CD180: variants seen among roughly 807,000 people sequenced by gnomAD.
The protein encoded by CD180 is CD180 antigen.
CD180 carries 11 observed loss-of-function variants against 10.7 expected under a neutral mutation model. The observed-to-expected ratio is 1.03, with a 90% CI of 0.65 to 1.70. The LOEUF (loss-of-function observed/expected upper bound fraction) is 1.70. CD180 is among the 40% of genes most tolerant of loss of function. CD180 has a pLI of 0.00. For missense variants in CD180, 729 were observed against 775.2 expected, an observed-to-expected ratio of 0.94 and a Z score of 0.71; for synonymous variants, 286 against 294.6, an observed-to-expected ratio of 0.97 and a Z score of 0.30.
In CD180 at chr5:67,184,448, A is replaced by C; in HGVS notation, c.395T>G (p.Leu132Ter). ...GAGATTGGATATTCCCGTTTGGATT[A>C]AGAAAAGATGCTTCAGTGACTTGGG... ...NGPKSLKHLF[L>*]IQTGISNLEF... The change falls in exon 3 of 3, where the codon TTA (leucine) becomes TGA (stop). Residue 132 changes from leucine to a stop codon, truncating the protein, a stop_gained. Transcript: ENST00000256447. LOFTEE classifies it low-confidence loss of function (END_TRUNC). The C allele has an allele frequency of 6.2e-7, 1 of 1,614,222 alleles. No homozygotes were observed. The highest frequency in any genetic ancestry group is 8.5e-7 in the Non-Finnish European group (1 of 1,180,018).
rs142013803 is a variant in CD180, at chr5:67,184,326, G to A, written c.517C>T (p.Arg173Trp). ...TGAAAATCCAGTACTTTCAGATTCC[G>A]TGCTGGGAAGTCTTTGGGGAACTTA... ...SIKFPKDFPA[R>W]NLKVLDFQNN... Residue 173 changes from arginine to tryptophan, a missense_variant, in exon 3 of 3, where the codon CGG (arginine) becomes TGG (tryptophan). Physicochemically the swap from Arg to Trp is moderately radical, Grantham distance 101. Transcript: ENST00000256447. The A allele has an allele frequency of 1.4e-4, 233 of 1,614,022 alleles. 2 individuals are homozygous for A. The highest frequency in any genetic ancestry group is 9.4e-4 in the East Asian group (42 of 44,898).
chr5:67,194,305 G>A (rs1222296359), intron 1 of CD180, among the ~76,000 whole-genome samples: 1 of 152,182 alleles, frequency 6.6e-6, no homozygotes, highest in Non-Finnish European at 1.5e-5. Context: ...CTGTTCAGGA[G>A]TCATGTGGCC....
rs1189592447 is a variant in CD180, at chr5:67,185,285, T to A, written c.257+566A>T. On this transcript the variant is annotated intron_variant, in intron 2 of 2. Transcript: ENST00000256447. Reference sequence around the variant, plus strand: ...GCAGGTACACGCAGAGCCTGTCCCCTCTTACACACACACACACACACACAC... The same window carrying A: ...GCAGGTACACGCAGAGCCTGTCCCCACTTACACACACACACACACACACAC... Among the ~76,000 whole-genome samples the A allele has an allele frequency of 6.2e-3, 533 of 86,318 alleles. 5 individuals are homozygous for A. Among genetic ancestry groups the A allele is most frequent in the African/African-American group, 0.034 (426 of 12,688 alleles). 56.6% of individuals were successfully genotyped at this position (86,318 alleles called of 152,430 possible).
chr5:67,196,587 T>C lies in CD180; in HGVS notation c.55A>G (p.Lys19Glu), dbSNP rs1742408667. ...FWVVLFSAGC[K>E]VITSWDQMCI... ...ATCTGATCCCAGGAGGTGATGACTT[T>C]ACAGCCGGCAGAAAACAGCACCACC... is the stretch of plus-strand genomic sequence containing the variant. The change falls in exon 1 of 3, where the codon AAA (lysine) becomes GAA (glutamate). Residue 19 changes from lysine to glutamate, a missense_variant. Physicochemically the swap from Lys to Glu is moderately conservative, Grantham distance 56 (BLOSUM62 1). Transcript: ENST00000256447. 6.2e-7 allele frequency: 1 copy of C among 1,614,072 alleles called. No individual in the cohort carries two copies. The highest frequency in any genetic ancestry group is 8.5e-7 in the Non-Finnish European group (1 of 1,179,984).
In CD180 at chr5:67,196,775, A is replaced by G. The variant is rs1008558680; in HGVS notation, c.-134T>C. ...GATCTTGGAACAAGAAATGCTGTTG[A>G]CTGCTCAGCATTCTGTGGCTCTGTG... On this transcript the variant is annotated 5_prime_UTR_variant, in exon 1 of 3. Transcript: ENST00000256447. 1 of 876,468 alleles carries G rather than the reference A, an allele frequency of 1.1e-6. No individual in the cohort carries two copies. The highest frequency in any genetic ancestry group is 1.7e-5 in the South Asian group (1 of 59,402). The allele number at this position is 876,468 out of a possible 1,614,324, so 54.3% of individuals were successfully genotyped here.
rs754111792 is a variant in CD180 at position 67,183,731 on chromosome 5, T to C, written c.1112A>G (p.Asn371Ser). The change falls in exon 3 of 3, where the codon AAC becomes AGC. Residue 371 changes from asparagine (N) to serine (S), a missense_variant. Coordinates refer to ENST00000256447, the MANE Select transcript of CD180 (RefSeq NM_005582.3). ...LGVGCLEKLG[N>S]LQTLDLSHND... ...ATGGCTTAAATCAAGTGTCTGAAGG[T>C]TTCCTAGTTTCTCCAAGCAGCCAAC... 9.3e-6 allele frequency: 15 copies of C among 1,613,992 alleles called. No homozygotes were observed. The South Asian group carries it at 1.6e-4, about 18-fold the overall frequency.
chr5:67,183,111 G>T lies in CD180; in HGVS notation c.1732C>A (p.Pro578Thr). The change falls in exon 3 of 3, where the codon CCC becomes ACC. Residue 578 changes from proline (P) to threonine (T), a missense_variant. Pro to Thr is a conservative substitution (Grantham distance 38). Coordinates refer to ENST00000256447, the MANE Select transcript of CD180 (RefSeq NM_005582.3). ...QQSTINLSHN[P>T]LDCTCSNIHF... ...ATATTCGAGCAAGTGCAGTCCAGGG[G>T]GTTATGACTTAAATTAATGGTGCTC... 1.2e-6 allele frequency: 2 copies of T among 1,610,780 alleles called. No individual in the cohort carries two copies. Among genetic ancestry groups the T allele is most frequent in the Non-Finnish European group, 1.7e-6 (2 of 1,177,782 alleles).
At chr5:67,196,479 G>T in intron 1 of CD180, 73 bp downstream of exon 1, 2 of 1,435,848 alleles carry the variant, frequency 1.4e-6, no homozygotes, top group South Asian at 1.2e-5. Flanking sequence ...CCAAGGCTCA[G>T]ATTGGACTGC....
intron 1 of CD180, 84 bp from the exon 2 acceptor site, chr5:67,186,101 G>T: frequency 1.2e-6 from 1 of 868,242 alleles, no homozygotes; most frequent in Non-Finnish European, 1.7e-6. Flanking sequence ...TTTACCTTCC[G>T]AGCGGCAATC....
At chr5:67,187,572 T>C (rs559601670) in intron 1 of CD180, among the ~76,000 whole-genome samples, 2 of 152,198 alleles carry the variant, frequency 1.3e-5, no homozygotes, top group South Asian at 2.1e-4. Context: ...AAATGGGAAG[T>C]GGTTTTTTAG....
Position 67,183,121 on chromosome 5 carries a change from TAAATTA to T in CD180, c.1716_1721del (p.Asn573_Leu574del). On this transcript the variant is annotated inframe_deletion, in exon 3 of 3. Coordinates refer to ENST00000256447, the MANE Select transcript of CD180 (RefSeq NM_005582.3). ...AAGTGCAGTCCAGGGGGTTATGACT[TAAATTA>T]ATGGTGCTCTGCTGGGACAAGATAG... The T allele has an allele frequency of 1.2e-6, 2 of 1,610,154 alleles. No individual in the cohort carries two copies. Among genetic ancestry groups the T allele is most frequent in the Non-Finnish European group, 1.7e-6 (2 of 1,177,364 alleles).
intron 1 of CD180, among the ~76,000 whole-genome samples, chr5:67,195,839 C>G (rs1320181831): frequency 6.6e-6 from 1 of 152,174 alleles, no homozygotes; most frequent in African/African-American, 2.4e-5. Context: ...GTATGCAGCC[C>G]TTGTCTGACA....
At position 67,184,395 on chromosome 5, in the gene CD180, T is replaced by A. The variant is rs1320248179; in HGVS notation, c.448A>T (p.Asn150Tyr). 6.2e-7 allele frequency: 1 copy of A among 1,613,724 alleles called. No homozygotes were observed. The highest frequency in any genetic ancestry group is 8.5e-7 in the Non-Finnish European group (1 of 1,179,604). Reference protein sequence around the residue: ...LEFIPVHNLENLESLYLGSNH... With the variant: ...LEFIPVHNLEYLESLYLGSNH... Reference sequence around the variant, plus strand: ...CTTCCAAGATACAAGCTTTCCAAGTTTTCCAGATTGTGCACTGGAATAAAC... The same window carrying A: ...CTTCCAAGATACAAGCTTTCCAAGTATTCCAGATTGTGCACTGGAATAAAC... Residue 150 changes from asparagine to tyrosine, a missense_variant, in exon 3 of 3, where the codon AAC becomes TAC. By Grantham distance (143) the Asn-to-Tyr change is moderately radical (BLOSUM62 -2). Coordinates refer to ENST00000256447, the MANE Select transcript of CD180 (RefSeq NM_005582.3).
At chr5:67,196,191 A>G (rs1026359537) in intron 1 of CD180, among the ~76,000 whole-genome samples, 1 of 152,166 alleles carries the variant, frequency 6.6e-6, no homozygotes, top group Non-Finnish European at 1.5e-5. Flanking sequence ...ACTCATTGGG[A>G]TAGAGGCCAT....
At position 67,183,779 on chromosome 5, in the gene CD180, T is replaced by A; in HGVS notation, c.1064A>T (p.Asn355Ile). 2.5e-6 allele frequency: 4 copies of A among 1,614,194 alleles called. No individual in the cohort carries two copies. Among genetic ancestry groups the A allele is most frequent in the Non-Finnish European group, 3.4e-6 (4 of 1,180,010 alleles). Residue 355 changes from asparagine to isoleucine, a missense_variant, in exon 3 of 3, where the codon AAC becomes ATC. Transcript: ENST00000256447. ...PSLTHLYIRGNVKKLHLGVGC... is the reference protein window; with the variant it reads ...PSLTHLYIRGIVKKLHLGVGC... ...AACACCAAGGTGAAGTTTCTTCACG[T>A]TGCCTCTGATGTAGAGGTGTGTAAG...
At chr5:67,192,265 C>T (rs976636801) in intron 1 of CD180, among the ~76,000 whole-genome samples, 51 of 151,948 alleles carry the variant, frequency 3.4e-4, no homozygotes, top group Non-Finnish European at 5.7e-4. Context: ...TGGTGGGCGC[C>T]TGTAGTCCCA....
intron 1 of CD180, among the ~76,000 whole-genome samples, chr5:67,194,437 T>C (rs1358809338): frequency 6.6e-6 from 1 of 152,074 alleles, no homozygotes; most frequent in East Asian, 1.9e-4. Context: ...ACTCACCCCA[T>C]CCTGCGGCCT....
At chr5:67,195,030 G>A (rs1445659043) in intron 1 of CD180, among the ~76,000 whole-genome samples, 2 of 152,166 alleles carry the variant, frequency 1.3e-5, no homozygotes, top group East Asian at 3.9e-4. Flanking sequence ...AAGGCCATGA[G>A]AGGACACAGA....
intron 1 of CD180, among the ~76,000 whole-genome samples, chr5:67,189,293 G>A (rs1305525776): frequency 2.6e-5 from 4 of 152,222 alleles, no homozygotes; most frequent in Non-Finnish European, 4.4e-5. Context: ...CTGCCCTAAT[G>A]TGATGCAGAA....
Sources: allele counts gnomAD v4.1 joint callset (sites outside exome capture counted in the v4.1 genomes callset), GRCh38; gene constraint gnomAD v4.1.1; transcripts MANE v1.5; gene names NCBI Gene and HGNC (gene_info 2026-07-23, HGNC 2026-07-21).